MCPH1: variants seen among roughly 807,000 people sequenced by gnomAD.
MCPH1 encodes the protein microcephalin 1, also known as microcephalin.
Under a neutral mutation model 84.5 loss-of-function variants are expected in MCPH1, and 104 were observed. That is an observed-to-expected ratio of 1.23 (90% CI 1.05 to 1.45). The LOEUF (loss-of-function observed/expected upper bound fraction) is 1.45. MCPH1 is among the 40% of genes most tolerant of loss of function. The pLI, the probability that MCPH1 is intolerant of heterozygous loss-of-function variation, is 0.00. For missense variants in MCPH1, 1,498 were observed against 1,005.7 expected, an observed-to-expected ratio of 1.49 and a Z score of -6.62; for synonymous variants, 514 against 366.8, an observed-to-expected ratio of 1.40 and a Z score of -4.58.
intron 12 of MCPH1, among the ~76,000 whole-genome samples, chr8:6,544,007 T>G (rs1185635741): frequency 6.6e-6 from 1 of 152,228 alleles, no homozygotes; most frequent in Non-Finnish European, 1.5e-5. Context: ...GTTTTAGATC[T>G]GATCAGCAGT....
Position 6,513,763 on chromosome 8 carries a change from T to G in MCPH1, c.2214+13834T>G, listed in dbSNP as rs375618080. On this transcript the variant is annotated intron_variant, in intron 12 of 13. Coordinates refer to ENST00000344683, the MANE Select transcript of MCPH1 (RefSeq NM_024596.5). Reference sequence around the variant, plus strand: ...CCTTCCCAGTCTTTAAGGTGTATTTTAAGCACATAGCGTTGCTGATTAGTC... The same window carrying G: ...CCTTCCCAGTCTTTAAGGTGTATTTGAAGCACATAGCGTTGCTGATTAGTC... 6.2e-6 allele frequency: 10 copies of G among 1,613,974 alleles called. 1 individual carries two copies. In the Middle Eastern group the frequency reaches 1.3e-3, roughly 212 times the overall value.
chr8:6,529,680 G>A (rs1054622462), intron 12 of MCPH1, among the ~76,000 whole-genome samples: 1 of 147,638 alleles, frequency 6.8e-6, no homozygotes, highest in Non-Finnish European at 1.5e-5. Flanking sequence ...GCTCAAGCTG[G>A]TCTCGGACTC....
chr8:6,589,093 T>C (rs138119531), intron 12 of MCPH1, among the ~76,000 whole-genome samples: 1 of 152,314 alleles, frequency 6.6e-6, no homozygotes, highest in African/African-American at 2.4e-5. Flanking sequence ...GGATGATGAA[T>C]TGACAACAAG....
chr8:6,619,997 G>T (rs867477419), intron 12 of MCPH1: 1 of 152,166 alleles, frequency 6.6e-6, no homozygotes. Context: ...AGGGACCATG[G>T]CTTTTTCTTG....
At chr8:6,419,492 A>G (rs1260360785) in intron 3 of MCPH1, among the ~76,000 whole-genome samples, 1 of 151,136 alleles carries the variant, frequency 6.6e-6, no homozygotes, top group East Asian at 1.9e-4. Context: ...TCCCAGGTTC[A>G]TGCCATTCTC....
intron 11 of MCPH1, among the ~76,000 whole-genome samples, chr8:6,482,266 AT>A (rs1809339496): frequency 6.6e-6 from 1 of 152,214 alleles, no homozygotes; most frequent in Non-Finnish European, 1.5e-5. Context: ...GAAAAATGGT[AT>A]GCTGACGTAG....
At chr8:6,571,789 A>C (rs1243127336) in intron 12 of MCPH1, among the ~76,000 whole-genome samples, 1 of 152,176 alleles carries the variant, frequency 6.6e-6, no homozygotes, top group Admixed American at 6.5e-5. Flanking sequence ...CCTGTGGGAA[A>C]TTAGGCTTGA....
chr8:6,578,731 T>G (rs1827312007), intron 12 of MCPH1, among the ~76,000 whole-genome samples: 3 of 152,146 alleles, frequency 2.0e-5, no homozygotes, highest in African/African-American at 7.2e-5. Flanking sequence ...TCATTACAGG[T>G]CTGAGCAAAT....
rs182479249 is a variant in MCPH1 at position 6,643,334 on chromosome 8, G to A, written c.*285G>A. 2.8e-4 allele frequency: 118 copies of A among 425,262 alleles called. No individual in the cohort carries two copies. Among genetic ancestry groups the A allele is most frequent in the African/African-American group, 2.2e-3 (107 of 49,718 alleles). 26.3% of individuals were successfully genotyped at this position (425,262 alleles called of 1,614,324 possible). ...GGCTGGAGTGCAATGGCACAATCTC[G>A]GCTCACTGCAACCTCCACCTCCCAG... On this transcript the variant is annotated 3_prime_UTR_variant, in exon 14 of 14. Coordinates refer to ENST00000344683, the MANE Select transcript of MCPH1 (RefSeq NM_024596.5).
At chr8:6,416,662 C>G (rs1585607408) in intron 3 of MCPH1, among the ~76,000 whole-genome samples, 2 of 152,116 alleles carry the variant, frequency 1.3e-5, no homozygotes, top group Admixed American at 6.6e-5. Context: ...ATAAATCCTA[C>G]TTGGTCATGT....
At position 6,648,318 on chromosome 8, in the gene MCPH1, G is replaced by A. The variant is rs905124723; in HGVS notation, c.*5269G>A. The A allele has an allele frequency of 3.9e-5, 6 of 152,244 alleles. No individual in the cohort carries two copies. Among genetic ancestry groups the A allele is most frequent in the African/African-American group, 1.4e-4 (6 of 41,444 alleles). The allele number at this position is 152,244 out of a possible 1,614,324, so 9.4% of individuals were successfully genotyped here. ...TTCTACCCACTTTTATTTTTCCCAG[G>A]AGTCACGCTTAGTCATCTCTTGCTC... On this transcript the variant is annotated 3_prime_UTR_variant, in exon 14 of 14. Coordinates refer to ENST00000344683, the MANE Select transcript of MCPH1 (RefSeq NM_024596.5).
At position 6,454,981 on chromosome 8, in the gene MCPH1, C is replaced by T. The variant is rs142095605; in HGVS notation, c.1826-162C>T. Among the ~76,000 whole-genome samples, 185 of 152,282 alleles carry T rather than the reference C, an allele frequency of 1.2e-3. 3 individuals are homozygous for T. In the East Asian group the frequency reaches 0.03, roughly 24 times the overall value. On this transcript the variant is annotated intron_variant, in intron 8 of 13. Transcript: ENST00000344683. The stretch of plus-strand genomic sequence containing the variant: ...GCTTGGGATATTGGAATGTAATAAA[C>T]TGAAAGTTCTAGATAGATCTCAAAG...
intron 12 of MCPH1, among the ~76,000 whole-genome samples, chr8:6,610,835 T>G (rs77909502): frequency 6.6e-6 from 1 of 150,394 alleles, no homozygotes; most frequent in Admixed American, 6.6e-5. Context: ...TGATTTTTCT[T>G]CCAGAAAAAA....
intron 12 of MCPH1, among the ~76,000 whole-genome samples, chr8:6,576,860 C>G (rs1018670454): frequency 1.3e-5 from 2 of 151,820 alleles, no homozygotes; most frequent in Non-Finnish European, 2.9e-5. Flanking sequence ...GCCACAGTGC[C>G]TGGCCTACTG....
chr8:6,406,830 C>G (rs1196673304), intron 1 of MCPH1, 141 bp downstream of exon 1: 1 of 760,414 alleles, frequency 1.3e-6, no homozygotes, highest in Non-Finnish European at 2.2e-6. Flanking sequence ...CCCCCTGCCG[C>G]CTCCTTCCTC....
intron 12 of MCPH1, among the ~76,000 whole-genome samples, chr8:6,506,186 C>A (rs1329245251): frequency 6.6e-6 from 1 of 151,746 alleles, no homozygotes; most frequent in African/African-American, 2.4e-5. Context: ...TATTCAGAAT[C>A]CTTCACATAT....
chr8:6,411,991 GA>G, intron 2 of MCPH1, among the ~76,000 whole-genome samples: 1 of 152,174 alleles, frequency 6.6e-6, no homozygotes, highest in African/African-American at 2.4e-5. Context: ...AAAAATGGGA[GA>G]AAAGATAATC....
rs1563217938 is a variant in MCPH1 at position 6,444,785 on chromosome 8, A to T, written c.1063A>T (p.Lys355Ter). 1 of 1,614,086 alleles carries T rather than the reference A, an allele frequency of 6.2e-7. No individual in the cohort carries two copies. Among genetic ancestry groups the T allele is most frequent in the Non-Finnish European group, 8.5e-7 (1 of 1,179,990 alleles). ...TTCAAGACCCAGGAGTTCCTCAGTA[A>T]AGAGAAAAAGAGTATCACATGGCTC... Reference protein sequence around the residue: ...IHSRPRSSSVKRKRVSHGSHS... With the variant: ...IHSRPRSSSV The change falls in exon 8 of 14, where the codon AAG becomes TAG. Residue 355 changes from lysine to a stop codon, truncating the protein, a stop_gained. Transcript: ENST00000344683. LOFTEE classifies it high-confidence loss of function.
At chr8:6,537,991 A>C (rs1820808740) in intron 12 of MCPH1, among the ~76,000 whole-genome samples, 1 of 152,082 alleles carries the variant, frequency 6.6e-6, no homozygotes, top group Admixed American at 6.5e-5. Context: ...GGGTCTAAAG[A>C]CCTTGAATTT....
Sources: gnomAD v4.1 joint callset for allele counts (sites outside exome capture counted in the v4.1 genomes callset) on GRCh38, gnomAD v4.1.1 for gene constraint, MANE v1.5 for transcripts, NCBI Gene and HGNC (gene_info 2026-07-23, HGNC 2026-07-21) for gene names.